STAG1: variants seen among roughly 807,000 people sequenced by gnomAD.
STAG1 encodes STAG1 cohesin complex component.
Under a neutral mutation model 170.9 loss-of-function variants are expected in STAG1, and 26 were observed. The observed-to-expected ratio is 0.15, with a 90% CI of 0.11 to 0.21. STAG1 has a LOEUF of 0.21. Ranked by LOEUF, STAG1 falls within the 10% of genes least tolerant of loss-of-function variation. The pLI, the probability that STAG1 is intolerant of heterozygous loss-of-function variation, is 1.00. For synonymous variants in STAG1, 514 were observed against 497.7 expected, an observed-to-expected ratio of 1.03 and a Z score of -0.44; for missense variants, 964 against 1,509.5, an observed-to-expected ratio of 0.64 and a Z score of 5.99.
chr3:136,455,680 G>C (rs2089090634), intron 13 of STAG1, among the ~76,000 whole-genome samples: 1 of 152,220 alleles, frequency 6.6e-6, no homozygotes. Context: ...GGAGTGGCCA[G>C]TGCAAAAGCA....
chr3:136,735,567 A>G (rs1409751465), intron 1 of STAG1, among the ~76,000 whole-genome samples: 1 of 152,034 alleles, frequency 6.6e-6, no homozygotes, highest in African/African-American at 2.4e-5. Context: ...CACCAAAAGT[A>G]GCTGGGATTA....
At chr3:136,477,909 C>A (rs1342499046) in intron 9 of STAG1, among the ~76,000 whole-genome samples, 1 of 152,096 alleles carries the variant, frequency 6.6e-6, no homozygotes, top group Admixed American at 6.6e-5. Flanking sequence ...CCTGCCTCAG[C>A]CACCCAAGTA....
chr3:136,605,524 A>T (rs2107809724), intron 3 of STAG1, among the ~76,000 whole-genome samples: 1 of 152,250 alleles, frequency 6.6e-6, no homozygotes, highest in Middle Eastern at 3.4e-3. Flanking sequence ...AACAGACAAG[A>T]CTTTTTTCCT....
chr3:136,569,512 T>G lies in STAG1; in HGVS notation c.298-651A>C, dbSNP rs1937196005. Among the ~76,000 whole-genome samples, 4 of 151,898 alleles carry G rather than the reference T, an allele frequency of 2.6e-5. No homozygotes were observed. In the South Asian group the frequency reaches 8.3e-4, roughly 31 times the overall value. ...TTTGTTGTTGAAATACTTAAGATATTTCAACTAATTAAAGAACAAGGCAAG... is the reference window on the plus strand; with the variant it reads ...TTTGTTGTTGAAATACTTAAGATATGTCAACTAATTAAAGAACAAGGCAAG... On this transcript the variant is annotated intron_variant, in intron 4 of 33. Coordinates refer to ENST00000383202, the MANE Select transcript of STAG1 (RefSeq NM_005862.3).
chr3:136,682,565 A>G (rs1346899387), intron 1 of STAG1, among the ~76,000 whole-genome samples: 1 of 152,076 alleles, frequency 6.6e-6, no homozygotes, highest in Non-Finnish European at 1.5e-5. Flanking sequence ...TACAAAAATT[A>G]CCAAAAATTT....
chr3:136,667,612 G>A (rs1383414125), intron 1 of STAG1, among the ~76,000 whole-genome samples: 1 of 151,938 alleles, frequency 6.6e-6, no homozygotes, highest in African/African-American at 2.4e-5. Flanking sequence ...TTCCCCTGCC[G>A]CAGCCTCCCA....
chr3:136,384,284 C>T (rs1145102), intron 22 of STAG1, among the ~76,000 whole-genome samples: 1 of 150,928 alleles, frequency 6.6e-6, no homozygotes. Context: ...AACCCCATCT[C>T]TACTAAAAAT....
chr3:136,397,036 C>G (rs918930982), intron 22 of STAG1, among the ~76,000 whole-genome samples: 3 of 152,158 alleles, frequency 2.0e-5, no homozygotes, highest in African/African-American at 7.2e-5. Context: ...AATTCTTACT[C>G]TGAAAAAATA....
chr3:136,574,320 A>C (rs1937372934), intron 4 of STAG1, among the ~76,000 whole-genome samples: 1 of 151,210 alleles, frequency 6.6e-6, no homozygotes, highest in African/African-American at 2.4e-5. Flanking sequence ...ACAATAAAGG[A>C]TATATATGTA....
At chr3:136,575,924 C>G (rs1559887581) in intron 4 of STAG1, among the ~76,000 whole-genome samples, 1 of 152,140 alleles carries the variant, frequency 6.6e-6, no homozygotes, top group African/African-American at 2.4e-5. Flanking sequence ...ACGTTCTTCA[C>G]TATGAAAAAG....
intron 12 of STAG1, among the ~76,000 whole-genome samples, chr3:136,466,788 G>GACTA (rs1456724669): frequency 2.0e-5 from 3 of 152,214 alleles, no homozygotes; most frequent in African/African-American, 7.2e-5. Flanking sequence ...AAGCCCATCA[G>GACTA]ACTAACAGTG....
chr3:136,498,233 T>C (rs9847171), intron 9 of STAG1, among the ~76,000 whole-genome samples: 22,154 of 57,088 alleles, frequency 0.39, 5,464 homozygotes, highest in South Asian at 0.53. Flanking sequence ...TATATATATA[T>C]ACACATACAT....
intron 3 of STAG1, among the ~76,000 whole-genome samples, chr3:136,610,601 T>C (rs570227688): frequency 1.9e-4 from 29 of 152,310 alleles, no homozygotes; most frequent in Non-Finnish European, 4.0e-4. Flanking sequence ...CCTCCAAATT[T>C]TAAGCTGGAA....
intron 4 of STAG1, among the ~76,000 whole-genome samples, chr3:136,595,680 A>AATCAATC (rs1559898982): frequency 0.02 from 56 of 2,798 alleles, no homozygotes; most frequent in East Asian, 0.092. Context: ...CCATCTCAAT[A>AATCAATC]AATAAATAAA....
intron 1 of STAG1, chr3:136,736,863 G>C (rs1267078409): frequency 8.2e-6 from 13 of 1,579,922 alleles, no homozygotes; most frequent in Non-Finnish European, 1.1e-5. Flanking sequence ...TGTGGTCAAC[G>C]TATTCTTTTC....
intron 13 of STAG1, among the ~76,000 whole-genome samples, chr3:136,461,590 G>GAA (rs777255297): frequency 1.2e-3 from 135 of 108,706 alleles, no homozygotes; most frequent in African/African-American, 2.8e-3. Flanking sequence ...ACTCCGTCTT[G>GAA]AAAAAAAAAA....
intron 6 of STAG1, among the ~76,000 whole-genome samples, chr3:136,535,239 G>C (rs987212545): frequency 6.6e-6 from 1 of 152,216 alleles, no homozygotes; most frequent in South Asian, 2.1e-4. Flanking sequence ...GGAGAAAAGC[G>C]TGTGAGGAGG....
At chr3:136,633,056 T>C (rs1279628818) in intron 1 of STAG1, among the ~76,000 whole-genome samples, 1 of 151,938 alleles carries the variant, frequency 6.6e-6, no homozygotes, top group Non-Finnish European at 1.5e-5. Context: ...ACTATAGATT[T>C]TAACAGTCAG....
intron 1 of STAG1, among the ~76,000 whole-genome samples, chr3:136,750,381 C>T (rs1576849768): frequency 6.6e-6 from 1 of 152,124 alleles, no homozygotes; most frequent in South Asian, 2.1e-4. Flanking sequence ...ACCCAGGGGA[C>T]GTTCAAAGTA....
Sources: gnomAD v4.1 joint callset for allele counts (sites outside exome capture counted in the v4.1 genomes callset) on GRCh38, gnomAD v4.1.1 for gene constraint, MANE v1.5 for transcripts, NCBI Gene and HGNC (gene_info 2026-07-23, HGNC 2026-07-21) for gene names.